Variants in AKAP13 observed in about 807,000 individuals in gnomAD.
AKAP13 encodes A-kinase anchoring protein 13.
Under a neutral mutation model 264.5 loss-of-function variants are expected in AKAP13, and 80 were observed. That is an observed-to-expected ratio of 0.30 (90% CI 0.25 to 0.36). The LOEUF (loss-of-function observed/expected upper bound fraction) is 0.36. Among genes scored for constraint, AKAP13 ranks in the 10% least tolerant of loss-of-function variants. The pLI, the probability that AKAP13 is intolerant of heterozygous loss-of-function variation, is 1.00. For synonymous variants in AKAP13, 1,380 were observed against 1,250.2 expected, an observed-to-expected ratio of 1.10 and a Z score of -2.19; for missense variants, 3,712 against 3,435.2, an observed-to-expected ratio of 1.08 and a Z score of -2.01.
Position 85,743,738 on chromosome 15 carries a change from GCCTCTA to G in AKAP13, c.8308_8313del (p.Ser2770_Thr2771del). ...GAGCCAGGCCCCTGCGTCCACCTCTGCCTCTACCCGCCTGTTTGGGTTAACAAAGCC... is the reference window on the plus strand; with the variant it reads ...GAGCCAGGCCCCTGCGTCCACCTCTGCCCGCCTGTTTGGGTTAACAAAGCC... On this transcript the variant is annotated inframe_deletion, in exon 36 of 37. Transcript: ENST00000394518. 6.2e-7 allele frequency: 1 copy of G among 1,614,004 alleles called. No homozygotes were observed.
intron 10 of AKAP13, among the ~76,000 whole-genome samples, chr15:85,653,590 C>T (rs2082965068): frequency 6.6e-6 from 1 of 152,142 alleles, no homozygotes; most frequent in Non-Finnish European, 1.5e-5. Context: ...TAAAAAGAGT[C>T]TCCTTATAGT....
At position 85,718,426 on chromosome 15, in the gene AKAP13, T is replaced by C. The variant is rs568129851; in HGVS notation, c.6001+267T>C. On this transcript the variant is annotated intron_variant, in intron 22 of 36. Coordinates refer to ENST00000394518, the MANE Select transcript of AKAP13 (RefSeq NM_007200.5). This position sits in a 1 kb window ranked among gnomAD's most constrained non-coding sequence, Gnocchi z 4.9. ...AGTCCTAGAAAGAGATATCTCAGTT[T>C]TTTTCCTTACCTACACTAAAAACTA... Among the ~76,000 whole-genome samples the C allele has an allele frequency of 6.6e-6, 1 of 152,294 alleles. No individual in the cohort carries two copies. The highest frequency in any genetic ancestry group is 1.5e-5 in the Non-Finnish European group (1 of 68,024).
At chr15:85,710,519 T>G in intron 18 of AKAP13, 60 bp from the exon 19 acceptor site, 1 of 1,553,388 alleles carries the variant, frequency 6.4e-7, no homozygotes, top group Non-Finnish European at 8.8e-7. Flanking sequence ...CCCTTCCTAC[T>G]CGGCTTCTCA....
chr15:85,580,506 C>T lies in AKAP13; in HGVS notation c.2438C>T (p.Thr813Ile). 6.2e-7 allele frequency: 1 copy of T among 1,614,230 alleles called. No individual in the cohort carries two copies. Among genetic ancestry groups the T allele is most frequent in the Non-Finnish European group, 8.5e-7 (1 of 1,180,042 alleles). The change falls in exon 7 of 37, where the codon ACA (threonine) becomes ATA (isoleucine). Residue 813 changes from threonine to isoleucine, a missense_variant. Physicochemically the swap from Thr to Ile is moderately conservative, Grantham distance 89 (BLOSUM62 -1). This residue lies in a region of AKAP13 where 2,759 missense variants were observed against 2,411.7 expected (regional missense o/e 1.14). Transcript: ENST00000394518. ...SFVPSQKEKG[T>I]ATPELHTATD... ...GTCCCCTCCCAGAAAGAAAAGGGAA[C>T]AGCAACTCCTGAACTACATACAGCT... is the stretch of plus-strand genomic sequence containing the variant.
chr15:85,552,190 A>G (rs1329271619), intron 5 of AKAP13, among the ~76,000 whole-genome samples: 2 of 152,220 alleles, frequency 1.3e-5, no homozygotes, highest in African/African-American at 2.4e-5. Context: ...GTTTAACCTT[A>G]TAGTAGGAGA....
chr15:85,538,494 T>G (rs1045753490), intron 4 of AKAP13, among the ~76,000 whole-genome samples: 1 of 150,250 alleles, frequency 6.7e-6, no homozygotes, highest in Non-Finnish European at 1.5e-5. Flanking sequence ...TTCTTTCTTT[T>G]TTTTTTTTTT....
chr15:85,419,352 G>C (rs763084580), intron 1 of AKAP13, among the ~76,000 whole-genome samples: 3 of 152,032 alleles, frequency 2.0e-5, no homozygotes, highest in Non-Finnish European at 2.9e-5. Context: ...TTCTATTCCT[G>C]GTAAAGACTC....
At chr15:85,400,869 TATA>T (rs1469970871) in intron 1 of AKAP13, among the ~76,000 whole-genome samples, 6 of 55,880 alleles carry the variant, frequency 1.1e-4, no homozygotes, top group African/African-American at 3.3e-4. Context: ...TATATATATA[TATA>T]TATTTTTTTT....
At chr15:85,612,978 GAGA>G (rs1458620265) in intron 8 of AKAP13, among the ~76,000 whole-genome samples, 6 of 152,124 alleles carry the variant, frequency 3.9e-5, no homozygotes, top group Non-Finnish European at 8.8e-5. Context: ...TTCTACATGT[GAGA>G]AGAAGTTCTT....
intron 1 of AKAP13, among the ~76,000 whole-genome samples, chr15:85,475,996 G>C (rs1423032402): frequency 6.6e-6 from 1 of 152,110 alleles, no homozygotes; most frequent in Non-Finnish European, 1.5e-5. Context: ...AAAACAAGTT[G>C]GGGAGAGAAG....
rs1418540223 is a variant in AKAP13, at chr15:85,657,525, T to A, written c.4746-1012T>A. On this transcript the variant is annotated intron_variant, in intron 11 of 36. Transcript: ENST00000394518. ...AGACTGGTGCAGGTAGTTTGCATCA[T>A]TTATCCAAGGTCTCTGGTCTCTTAG... Among the ~76,000 whole-genome samples, 5 of 152,318 alleles carry A rather than the reference T, an allele frequency of 3.3e-5. No individual in the cohort carries two copies. In the East Asian group the frequency reaches 7.7e-4, roughly 24 times the overall value.
In AKAP13 at chr15:85,717,372, A is replaced by C. The variant is rs2087009736; in HGVS notation, c.5818A>C (p.Asn1940His). 1.9e-6 allele frequency: 3 copies of C among 1,613,486 alleles called. No individual in the cohort carries two copies. Among genetic ancestry groups the C allele is most frequent in the Middle Eastern group, 1.7e-4 (1 of 6,060 alleles). ...TDSLNKISKV[N>H]ESTESLTDEG... ...CTCACTAAATAAAATCAGCAAGGTC[A>C]ATGAGTCAACAGAATCACTTACTGA... is the stretch of plus-strand genomic sequence containing the variant. The change falls in exon 21 of 37, where the codon AAT becomes CAT. Residue 1940 changes from asparagine to histidine, a missense_variant. Around this residue, in one of 3 missense-constraint regions of AKAP13, gnomAD observed 2,759 missense variants for 2,411.7 expected, o/e 1.14. Coordinates refer to ENST00000394518, the MANE Select transcript of AKAP13 (RefSeq NM_007200.5).
intron 17 of AKAP13, among the ~76,000 whole-genome samples, chr15:85,707,320 G>C (rs1309453879): frequency 6.6e-6 from 1 of 152,194 alleles, no homozygotes; most frequent in African/African-American, 2.4e-5. Flanking sequence ...TAAAGGAATT[G>C]AGATAAAATG....
chr15:85,591,611 G>A (rs967012141), intron 8 of AKAP13, among the ~76,000 whole-genome samples: 2 of 151,924 alleles, frequency 1.3e-5, no homozygotes, highest in Non-Finnish European at 1.5e-5. Context: ...AGGCAAGCAG[G>A]AGATGACATT....
chr15:85,551,211 A>T (rs1277493923), intron 5 of AKAP13, among the ~76,000 whole-genome samples: 1 of 152,066 alleles, frequency 6.6e-6, no homozygotes. Context: ...AAGCATTTTG[A>T]CATTTTGTAT....
chr15:85,553,535 C>T (rs552108897), intron 5 of AKAP13, among the ~76,000 whole-genome samples: 7 of 152,134 alleles, frequency 4.6e-5, no homozygotes, highest in Non-Finnish European at 7.4e-5. Flanking sequence ...TTTGAAAACT[C>T]TTTAGTTGTT....
chr15:85,438,390 T>G (rs971633187), intron 1 of AKAP13, among the ~76,000 whole-genome samples: 6 of 151,612 alleles, frequency 4.0e-5, no homozygotes, highest in Admixed American at 6.6e-5. Context: ...TGGCCATACT[T>G]CCCAAGGTAA....
intron 8 of AKAP13, among the ~76,000 whole-genome samples, chr15:85,605,978 G>A (rs538355467): frequency 6.6e-6 from 1 of 152,058 alleles, no homozygotes; most frequent in East Asian, 1.9e-4. Flanking sequence ...GTTTGTAGTG[G>A]GCAGAGTGGA....
At chr15:85,582,950 G>C (rs760437315) in intron 7 of AKAP13, 20 of 985,332 alleles carry the variant, frequency 2.0e-5, no homozygotes, top group African/African-American at 7.0e-5. Flanking sequence ...ACCATGTTCC[G>C]AGGCAGCAAA....
Sources: allele counts gnomAD v4.1 joint callset (sites outside exome capture counted in the v4.1 genomes callset), GRCh38; gene constraint gnomAD v4.1.1; regional missense constraint gnomAD v4.1.1; non-coding constraint Gnocchi (gnomAD v3.1); transcripts MANE v1.5; gene names NCBI Gene and HGNC (gene_info 2026-07-23, HGNC 2026-07-21).